Variants in PCDHA9 observed in about 807,000 individuals in gnomAD.
The protein encoded by PCDHA9 is protocadherin alpha 9.
Under a neutral mutation model 62.0 loss-of-function variants are expected in PCDHA9, and 62 were observed. The observed-to-expected ratio is 1.00, with a 90% CI of 0.81 to 1.23. PCDHA9 has a LOEUF of 1.23. PCDHA9 is among the 50% of genes most tolerant of loss of function. PCDHA9 has a pLI of 0.00. For missense variants in PCDHA9, 1,205 were observed against 1,249.8 expected, an observed-to-expected ratio of 0.96 and a Z score of 0.54; for synonymous variants, 557 against 567.6, an observed-to-expected ratio of 0.98 and a Z score of 0.27.
At chr5:140,901,828 A>G (rs538492227) in intron 1 of PCDHA9, among the ~76,000 whole-genome samples, 1 of 152,318 alleles carries the variant, frequency 6.6e-6, no homozygotes, top group African/African-American at 2.4e-5. Flanking sequence ...CTTCCAGTCC[A>G]TAAACATGCA....
chr5:140,965,830 A>G (rs2095939833), intron 1 of PCDHA9, among the ~76,000 whole-genome samples: 1 of 152,208 alleles, frequency 6.6e-6, no homozygotes, highest in African/African-American at 2.4e-5. Flanking sequence ...ACATTTAAAT[A>G]TTGGTTATTT....
chr5:140,998,433 C>CTA (rs2097813622), intron 3 of PCDHA9, among the ~76,000 whole-genome samples: 2 of 152,160 alleles, frequency 1.3e-5, no homozygotes, highest in Admixed American at 1.3e-4. Flanking sequence ...TCCTTTAACA[C>CTA]TATTATTGTA....
At chr5:140,943,349 T>C (rs1429038452) in intron 1 of PCDHA9, among the ~76,000 whole-genome samples, 1 of 147,572 alleles carries the variant, frequency 6.8e-6, no homozygotes, top group East Asian at 2.0e-4. Flanking sequence ...AGGATGAGAG[T>C]AGAGGAAAGG....
At chr5:140,867,227 T>C (rs73793506) in intron 1 of PCDHA9, 1 of 152,106 alleles carries the variant, frequency 6.6e-6, no homozygotes, top group African/African-American at 2.4e-5. Context: ...CCAATTCCCA[T>C]AATAAGGTGA....
chr5:140,869,697 G>T (rs552852780), intron 1 of PCDHA9: 1 of 1,613,410 alleles, frequency 6.2e-7, no homozygotes, highest in Admixed American at 1.7e-5. Flanking sequence ...TTTTAAAGAA[G>T]TCTCTGGATA....
chr5:140,910,127 C>T (rs1323587900), intron 1 of PCDHA9, among the ~76,000 whole-genome samples: 5 of 152,202 alleles, frequency 3.3e-5, no homozygotes, highest in African/African-American at 1.2e-4. Context: ...GGTCTGTAAA[C>T]TGGTTTAAGT....
At chr5:140,972,005 C>T (rs1236779874) in intron 1 of PCDHA9, among the ~76,000 whole-genome samples, 1 of 151,980 alleles carries the variant, frequency 6.6e-6, no homozygotes, top group Admixed American at 6.6e-5. Flanking sequence ...GTTTATATTC[C>T]CTTTTATATG....
Position 140,850,241 on chromosome 5 carries a change from GCGGT to G in PCDHA9, c.1751_1754del (p.Ser584TrpfsTer5). 6.3e-7 allele frequency: 1 copy of G among 1,593,924 alleles called. No individual in the cohort carries two copies. The highest frequency in any genetic ancestry group is 8.6e-7 in the Non-Finnish European group (1 of 1,167,318). On this transcript the variant is annotated frameshift_variant, in exon 1 of 4. Coordinates refer to ENST00000532602, the MANE Select transcript of PCDHA9 (RefSeq NM_031857.2). LOFTEE classifies it high-confidence loss of function. ...ACGGCGCAGTGAGCGAGATGGTGCTGCGGTCGGTGGGCGCCGGCGTAGTGGTGGG... is the reference window on the plus strand; with the variant it reads ...ACGGCGCAGTGAGCGAGATGGTGCTGCGGTGGGCGCCGGCGTAGTGGTGGG...
At chr5:140,862,555 G>A (rs926436647) in intron 1 of PCDHA9, 1 of 467,658 alleles carries the variant, frequency 2.1e-6, no homozygotes, top group South Asian at 1.7e-5. Flanking sequence ...TGGCCGAACA[G>A]TGAACCACAA....
chr5:140,881,757 A>G (rs1238055344), intron 1 of PCDHA9, among the ~76,000 whole-genome samples: 1 of 152,166 alleles, frequency 6.6e-6, no homozygotes, highest in Non-Finnish European at 1.5e-5. Flanking sequence ...TACCACAAAA[A>G]CCTACATGAC....
chr5:140,870,729 G>T (rs782392672), intron 1 of PCDHA9: 7 of 1,613,306 alleles, frequency 4.3e-6, no homozygotes, highest in Non-Finnish European at 5.1e-6. Flanking sequence ...CGGGCGTGCC[G>T]CCTCTGAGCA....
Position 140,871,114 on chromosome 5 carries a change from A to G in PCDHA9, c.2394+20225A>G, listed in dbSNP as rs1554165136. The G allele has an allele frequency of 1.9e-6, 3 of 1,613,090 alleles. No individual in the cohort carries two copies. The African/African-American group carries it at 4.0e-5, about 22-fold the overall frequency. On this transcript the variant is annotated intron_variant, in intron 1 of 3. Transcript: ENST00000532602. ...CACCGTGCTGGTGTCGTTGGTGGAGAGCGGACAGGCGCCAAAGGCCTCTTC... is the reference window on the plus strand; with the variant it reads ...CACCGTGCTGGTGTCGTTGGTGGAGGGCGGACAGGCGCCAAAGGCCTCTTC...
chr5:140,871,877 G>A (rs1554165902), intron 1 of PCDHA9, among the ~76,000 whole-genome samples: 2 of 152,144 alleles, frequency 1.3e-5, no homozygotes, highest in African/African-American at 4.8e-5. Flanking sequence ...ATTTAAATTT[G>A]CTCCTCTTTG....
At chr5:140,943,516 A>T (rs1202948180) in intron 1 of PCDHA9, among the ~76,000 whole-genome samples, 1 of 152,176 alleles carries the variant, frequency 6.6e-6, no homozygotes, top group Admixed American at 6.5e-5. Context: ...GGAAATGTTG[A>T]GTTCAGTATG....
At chr5:140,906,966 G>A (rs1401949243) in intron 1 of PCDHA9, among the ~76,000 whole-genome samples, 5 of 152,120 alleles carry the variant, frequency 3.3e-5, no homozygotes, top group African/African-American at 1.2e-4. Context: ...TGGAATCGTG[G>A]TTGTGTCTTC....
At chr5:140,921,101 C>A (rs1331761775) in intron 1 of PCDHA9, among the ~76,000 whole-genome samples, 1 of 152,002 alleles carries the variant, frequency 6.6e-6, no homozygotes, top group Non-Finnish European at 1.5e-5. Context: ...CTGCCTCAGT[C>A]TCCTAAGTAG....
intron 1 of PCDHA9, among the ~76,000 whole-genome samples, chr5:140,872,228 T>C (rs2053555588): frequency 6.6e-6 from 1 of 152,222 alleles, no homozygotes. Context: ...CAATCTTTAC[T>C]TTTGTCTTTA....
At chr5:140,868,907 AC>A in intron 1 of PCDHA9, 2 of 869,128 alleles carry the variant, frequency 2.3e-6, no homozygotes, top group Non-Finnish European at 3.4e-6. Flanking sequence ...GTCGCTCTTT[AC>A]TTGGTGGAAA....
At chr5:140,883,853 G>C in intron 1 of PCDHA9, 2 of 1,613,002 alleles carry the variant, frequency 1.2e-6, no homozygotes, top group Middle Eastern at 1.9e-4. Flanking sequence ...CGAGGAGCTG[G>C]AGCTGTTGCA....
Sources: allele counts gnomAD v4.1 joint callset (sites outside exome capture counted in the v4.1 genomes callset), GRCh38; gene constraint gnomAD v4.1.1; transcripts MANE v1.5; gene names NCBI Gene and HGNC (gene_info 2026-07-23, HGNC 2026-07-21).